The following PYM1 variants were observed in gnomAD, a reference collection of about 807,000 sequenced individuals.
PYM1 encodes the protein PYM1 exon junction complex associated factor.
In PYM1, 7 loss-of-function variants were observed where a neutral mutation model predicts 20.7. The ratio of observed to expected loss-of-function variants is 0.34; its 90% CI spans 0.19 to 0.64. PYM1 has a LOEUF of 0.64. Among genes scored for constraint, PYM1 ranks in the 30% least tolerant of loss-of-function variants. PYM1 has a pLI of 0.74. For synonymous variants in PYM1, 100 were observed against 99.2 expected (o/e 1.01, Z -0.05); for missense variants, 194 against 250.0 (o/e 0.78, Z 1.51).
In PYM1 at chr12:55,927,772, G is replaced by A; in HGVS notation, c.-11C>T. 1 of 1,538,500 alleles carries A rather than the reference G, an allele frequency of 6.5e-7. No homozygotes were observed. The highest frequency in any genetic ancestry group is 8.7e-7 in the Non-Finnish European group (1 of 1,146,106). ...GCCGGCAGCTTCCATGGCCGAAGAG[G>A]CAGCGGACCAGGTTGGGCGGGCGGC... On this transcript the variant is annotated 5_prime_UTR_variant, in exon 1 of 3. Transcript: ENST00000408946.
chr12:55,905,611 G>A (rs926651616), intron 1 of PYM1, among the ~76,000 whole-genome samples: 7 of 149,286 alleles, frequency 4.7e-5, no homozygotes, highest in East Asian at 4.0e-4. Context: ...CTGAGGCAGG[G>A]AGAACTGCTT....
At chr12:55,915,632 T>C (rs1465077058) in intron 1 of PYM1, among the ~76,000 whole-genome samples, 1 of 150,348 alleles carries the variant, frequency 6.7e-6, no homozygotes, top group African/African-American at 2.4e-5. Context: ...ATGAGTAAGA[T>C]GGTCCCAATT....
rs757626441 is a variant in PYM1 at position 55,927,833 on chromosome 12, G to T, written c.-72C>A. ...CTCTGCCCCGCTGGGCGGCGCCGGG[G>T]ATTCGGCGGCGAAGTGATGAGGGCC... On this transcript the variant is annotated 5_prime_UTR_variant, in exon 1 of 3. Transcript: ENST00000408946. The T allele has an allele frequency of 2.0e-6, 3 of 1,508,948 alleles. No homozygotes were observed. The highest frequency in any genetic ancestry group is 5.0e-5 in the East Asian group (2 of 40,300). The allele number at this position is 1,508,948 out of a possible 1,614,324, so 93.5% of individuals were successfully genotyped here. A position where few individuals can be genotyped will look rare whatever the true frequency, so the allele number is the denominator to read the frequency against.
chr12:55,916,062 C>T (rs187976350), intron 1 of PYM1, among the ~76,000 whole-genome samples: 42 of 152,290 alleles, frequency 2.8e-4, no homozygotes, highest in Admixed American at 2.0e-3. Context: ...AGTCTTGGTG[C>T]GGTGGCTCAC....
chr12:55,910,339 A>G (rs1363831236), intron 1 of PYM1, among the ~76,000 whole-genome samples: 1 of 151,408 alleles, frequency 6.6e-6, no homozygotes, highest in Admixed American at 6.6e-5. Flanking sequence ...GGAGTGCAGT[A>G]GCCCGATCCC....
intron 1 of PYM1, among the ~76,000 whole-genome samples, chr12:55,904,595 CAAAAA>C (rs57817659): frequency 1.5e-5 from 1 of 66,946 alleles, no homozygotes; most frequent in African/African-American, 5.9e-5. Flanking sequence ...GACTCCATCT[CAAAAA>C]AAAAAAAAAA....
intron 1 of PYM1, among the ~76,000 whole-genome samples, chr12:55,904,384 G>A (rs981624870): frequency 6.6e-6 from 1 of 151,064 alleles, no homozygotes; most frequent in African/African-American, 2.4e-5. Flanking sequence ...ACGAGGTCAG[G>A]AGTTCGAGAC....
intron 1 of PYM1, among the ~76,000 whole-genome samples, chr12:55,922,119 G>T (rs1382233380): frequency 6.6e-6 from 1 of 151,950 alleles, no homozygotes; most frequent in Non-Finnish European, 1.5e-5. Context: ...TCCAGCCTCA[G>T]CCTCCCAAAG....
chr12:55,926,049 A>G (rs1269910253), intron 1 of PYM1, among the ~76,000 whole-genome samples: 1 of 152,218 alleles, frequency 6.6e-6, no homozygotes, highest in Non-Finnish European at 1.5e-5. Context: ...GCAAGAAGCA[A>G]AATGGCACAT....
chr12:55,926,199 T>A (rs992965223), intron 1 of PYM1, among the ~76,000 whole-genome samples: 1 of 152,244 alleles, frequency 6.6e-6, no homozygotes, highest in African/African-American at 2.4e-5. Flanking sequence ...TATTATTTGA[T>A]CATCATTGAG....
At chr12:55,919,417 G>T (rs1418782846) in intron 1 of PYM1, among the ~76,000 whole-genome samples, 3 of 152,140 alleles carry the variant, frequency 2.0e-5, no homozygotes, top group Non-Finnish European at 4.4e-5. Context: ...GCCTCCCAAA[G>T]TGTTGAGGTT....
At chr12:55,912,186 G>C (rs1018001206) in intron 1 of PYM1, among the ~76,000 whole-genome samples, 1 of 149,936 alleles carries the variant, frequency 6.7e-6, no homozygotes. Flanking sequence ...CTATCTCTAC[G>C]AAAATAAAAA....
At chr12:55,927,577 G>A (rs1364036122) in intron 1 of PYM1, 148 bp downstream of exon 1, 1 of 1,037,242 alleles carries the variant, frequency 9.6e-7, no homozygotes, top group Admixed American at 2.4e-5. Context: ...GGGCGCACAA[G>A]TGTTTCTAGG....
At chr12:55,916,863 C>A (rs1883017058) in intron 1 of PYM1, among the ~76,000 whole-genome samples, 3 of 151,942 alleles carry the variant, frequency 2.0e-5, no homozygotes, top group Non-Finnish European at 2.9e-5. Context: ...CTAATCCCAA[C>A]ACTTTGGGAG....
At chr12:55,909,331 G>A (rs988780590) in intron 1 of PYM1, among the ~76,000 whole-genome samples, 1 of 152,182 alleles carries the variant, frequency 6.6e-6, no homozygotes, top group African/African-American at 2.4e-5. Context: ...GCATGGGAAT[G>A]TAGATAGCAT....
intron 1 of PYM1, among the ~76,000 whole-genome samples, chr12:55,918,564 T>C (rs1412665392): frequency 2.6e-5 from 4 of 152,110 alleles, no homozygotes; most frequent in South Asian, 2.1e-4. Context: ...AAGACCTCCA[T>C]CTCTATAAAA....
intron 1 of PYM1, among the ~76,000 whole-genome samples, chr12:55,912,492 G>A (rs887271671): frequency 6.6e-6 from 1 of 152,190 alleles, no homozygotes; most frequent in African/African-American, 2.4e-5. Flanking sequence ...GCTGAGGCAG[G>A]AGAATTGCTT....
chr12:55,924,250 T>A (rs886191570), intron 1 of PYM1, among the ~76,000 whole-genome samples: 1 of 152,048 alleles, frequency 6.6e-6, no homozygotes, highest in Non-Finnish European at 1.5e-5. Context: ...GAAAAAGGCA[T>A]AGGCAACTCG....
chr12:55,905,646 T>C (rs1457894866), intron 1 of PYM1, among the ~76,000 whole-genome samples: 1 of 147,692 alleles, frequency 6.8e-6, no homozygotes, highest in Non-Finnish European at 1.5e-5. Flanking sequence ...GAGGTTGCAG[T>C]GAGTGGAGAT....
Sources: allele counts gnomAD v4.1 joint callset (sites outside exome capture counted in the v4.1 genomes callset), GRCh38; gene constraint gnomAD v4.1.1; transcripts MANE v1.5; gene names NCBI Gene and HGNC (gene_info 2026-07-23, HGNC 2026-07-21).